IL36G: variants seen among roughly 807,000 people sequenced by gnomAD.
IL36G encodes the protein interleukin 36 gamma, also known as interleukin-36 gamma.
Under a neutral mutation model 13.5 loss-of-function variants are expected in IL36G, and 10 were observed. That is an observed-to-expected ratio of 0.74 (90% confidence interval 0.46 to 1.26). The LOEUF (loss-of-function observed/expected upper bound fraction) is 1.26, where lower values mean the gene tolerates loss of function less well. IL36G is among the 50% of genes most tolerant of loss of function. IL36G has a pLI of 0.00. For synonymous variants in IL36G, 84 were observed against 74.0 expected (o/e 1.13, Z -0.69); for missense variants, 199 against 203.0 (o/e 0.98, Z 0.12).
intron 4 of IL36G, among the ~76,000 whole-genome samples, chr2:112,980,848 C>A (rs1034808882): frequency 6.6e-6 from 1 of 152,180 alleles, no homozygotes; most frequent in African/African-American, 2.4e-5. Flanking sequence ...ATTTATTTTC[C>A]ATACCACAAG....
At chr2:112,980,789 G>C (rs1053694055) in intron 4 of IL36G, among the ~76,000 whole-genome samples, 2 of 152,216 alleles carry the variant, frequency 1.3e-5, no homozygotes, top group Non-Finnish European at 2.9e-5. Flanking sequence ...GCTTAAAGGA[G>C]TTAAATCTAT....
At position 112,985,514 on chromosome 2, in the gene IL36G, C is replaced by A. The variant is rs116028383; in HGVS notation, c.*465C>A. ...ATATACCTCATTGTGTGTAATAGAA[C>A]CTTCTTAGCATTAAGACCTTGTAAA... On this transcript the variant is annotated 3_prime_UTR_variant, in exon 5 of 5. Coordinates refer to ENST00000259205, the MANE Select transcript of IL36G (RefSeq NM_019618.4). The A allele has an allele frequency of 0.024, 3,788 of 156,378 alleles. 172 individuals carry two copies. Among genetic ancestry groups the A allele is most frequent in the African/African-American group, 0.086 (3,584 of 41,546 alleles). 9.7% of individuals were successfully genotyped at this position (156,378 alleles called of 1,614,324 possible).
chr2:112,979,765 C>G (rs1419446092), intron 3 of IL36G, among the ~76,000 whole-genome samples: 1 of 152,140 alleles, frequency 6.6e-6, no homozygotes, highest in African/African-American at 2.4e-5. Flanking sequence ...GTGAGAATCT[C>G]AAGAGCATAC....
chr2:112,985,197 A>C lies in IL36G; in HGVS notation c.*148A>C. ...ATCATCTCATTTTATAATGAAGAAGAAGCAATTACTTCATAGCAACTGAAG... is the reference window on the plus strand; with the variant it reads ...ATCATCTCATTTTATAATGAAGAAGCAGCAATTACTTCATAGCAACTGAAG... On this transcript the variant is annotated 3_prime_UTR_variant, in exon 5 of 5. Transcript: ENST00000259205. 1.6e-6 allele frequency: 1 copy of C among 625,226 alleles called. No homozygotes were observed. The highest frequency in any genetic ancestry group is 2.8e-6 in the Non-Finnish European group (1 of 359,042). The allele number at this position is 625,226 out of a possible 1,614,324, so 38.7% of individuals were successfully genotyped here.
At position 112,980,180 on chromosome 2, in the gene IL36G, T is replaced by A. The variant is rs531975455; in HGVS notation, c.300+32T>A. ...AGCTAAGAAAAATATTTAAAAAGCCTTTCCTTTTAGAAGTGTTTGGTTGAA... is the reference window on the plus strand; with the variant it reads ...AGCTAAGAAAAATATTTAAAAAGCCATTCCTTTTAGAAGTGTTTGGTTGAA... On this transcript the variant is annotated intron_variant, in intron 4 of 4. Coordinates refer to ENST00000259205, the MANE Select transcript of IL36G (RefSeq NM_019618.4). 366 of 1,597,124 alleles carry A rather than the reference T, an allele frequency of 2.3e-4. 6 individuals are homozygous for A. The South Asian group carries it at 3.8e-3, about 17-fold the overall frequency.
At chr2:112,979,925 A>G in intron 3 of IL36G, 84 bp from the exon 4 acceptor site, 1 of 1,374,990 alleles carries the variant, frequency 7.3e-7, no homozygotes, top group Non-Finnish European at 1.0e-6. Flanking sequence ...TTCCAGATCC[A>G]CTTGAGGATA....
rs1573340439 is a variant in IL36G at position 112,979,323 on chromosome 2, C to T, written c.158C>T (p.Pro53Leu). Residue 53 changes from proline to leucine, a missense_variant and splice_region_variant, in exon 3 of 5, where the codon CCA becomes CTA. Pro to Leu is a moderately conservative substitution (Grantham distance 98). Coordinates refer to ENST00000259205, the MANE Select transcript of IL36G (RefSeq NM_019618.4). Reference sequence around the variant, plus strand: ...GTTCCACGAAGTGACAGTGTGACCCCAGGTGAGTGGTCACCCTGTGCCTTC... The same window carrying T: ...GTTCCACGAAGTGACAGTGTGACCCTAGGTGAGTGGTCACCCTGTGCCTTC... ...VAVPRSDSVT[P>L]VTVAVITCKY... 4.4e-6 allele frequency: 7 copies of T among 1,588,604 alleles called. No individual in the cohort carries two copies. In the East Asian group the frequency reaches 1.6e-4, roughly 35 times the overall value.
intron 4 of IL36G, among the ~76,000 whole-genome samples, chr2:112,983,240 T>C (rs937147726): frequency 3.3e-5 from 5 of 152,084 alleles, no homozygotes; most frequent in African/African-American, 1.2e-4. Context: ...GGAGGAGGTA[T>C]GGGAGTTTCA....
chr2:112,984,954 T>C lies in IL36G; in HGVS notation c.415T>C (p.Phe139Leu). 1.2e-6 allele frequency: 2 copies of C among 1,614,072 alleles called. No individual in the cohort carries two copies. The highest frequency in any genetic ancestry group is 1.7e-6 in the Non-Finnish European group (2 of 1,179,988). Reference protein sequence around the residue: ...TLESVAFPDWFIASSKRDQPI... With the variant: ...TLESVAFPDWLIASSKRDQPI... The stretch of plus-strand genomic sequence containing the variant: ...TGAGTCTGTGGCCTTCCCGGACTGG[T>C]TCATTGCCTCCTCCAAGAGAGACCA... The change falls in exon 5 of 5, where the codon TTC becomes CTC. Residue 139 changes from phenylalanine (F) to leucine (L), a missense_variant. Physicochemically the swap from Phe to Leu is conservative, Grantham distance 22 (BLOSUM62 0). Coordinates refer to ENST00000259205, the MANE Select transcript of IL36G (RefSeq NM_019618.4).
intron 4 of IL36G, chr2:112,981,489 C>T (rs1042035016): frequency 2.9e-5 from 17 of 579,802 alleles, no homozygotes; most frequent in Admixed American, 1.2e-4. Context: ...CAGCATTGTG[C>T]GGGTTTTGGT....
At chr2:112,984,279 G>A (rs1188952772) in intron 4 of IL36G, among the ~76,000 whole-genome samples, 2 of 152,204 alleles carry the variant, frequency 1.3e-5, no homozygotes, top group Non-Finnish European at 2.9e-5. Context: ...ACAGAATATA[G>A]TTCCATATAC....
At chr2:112,979,974 G>A in intron 3 of IL36G, 35 bp from the exon 4 acceptor site, 1 of 1,601,446 alleles carries the variant, frequency 6.2e-7, no homozygotes. Flanking sequence ...GACTTCAAAA[G>A]GAAACTGATA....
Position 112,978,637 on chromosome 2 carries a change from C to A in IL36G, c.-2C>A. ...TTTCACAGGTGCTGAGACAACCACACTATGAGAGGCACTCCAGGAGACGCT... is the reference window on the plus strand; with the variant it reads ...TTTCACAGGTGCTGAGACAACCACAATATGAGAGGCACTCCAGGAGACGCT... On this transcript the variant is annotated 5_prime_UTR_variant, in exon 2 of 5. Coordinates refer to ENST00000259205, the MANE Select transcript of IL36G (RefSeq NM_019618.4). 1 of 1,614,098 alleles carries A rather than the reference C, an allele frequency of 6.2e-7. No individual in the cohort carries two copies. Among genetic ancestry groups the A allele is most frequent in the Non-Finnish European group, 8.5e-7 (1 of 1,179,928 alleles).
At position 112,985,176 on chromosome 2, in the gene IL36G, T is replaced by C. The variant is rs1226984106; in HGVS notation, c.*127T>C. 7.7e-6 allele frequency: 5 copies of C among 646,304 alleles called. No homozygotes were observed. Among genetic ancestry groups the C allele is most frequent in the Non-Finnish European group, 1.1e-5 (4 of 376,182 alleles). 40.0% of individuals were successfully genotyped at this position (646,304 alleles called of 1,614,324 possible). A position where few individuals can be genotyped will look rare whatever the true frequency, so the allele number is the denominator to read the frequency against. ...GACAGGGGCAAGGCTGCTGTTATCA[T>C]CTCATTTTATAATGAAGAAGAAGCA... On this transcript the variant is annotated 3_prime_UTR_variant, in exon 5 of 5. Coordinates refer to ENST00000259205, the MANE Select transcript of IL36G (RefSeq NM_019618.4).
At chr2:112,983,153 T>C (rs1684296423) in intron 4 of IL36G, among the ~76,000 whole-genome samples, 1 of 151,986 alleles carries the variant, frequency 6.6e-6, no homozygotes, top group Non-Finnish European at 1.5e-5. Flanking sequence ...TGGGAGCCCA[T>C]GTTATGGTGT....
chr2:112,984,453 C>T (rs1465523757), intron 4 of IL36G, among the ~76,000 whole-genome samples: 1 of 152,110 alleles, frequency 6.6e-6, no homozygotes. Flanking sequence ...CTTTGTCACG[C>T]CGGTGGTTCT....
intron 3 of IL36G, among the ~76,000 whole-genome samples, chr2:112,979,607 T>A (rs566186480): frequency 1.3e-5 from 2 of 152,246 alleles, no homozygotes; most frequent in South Asian, 4.1e-4. Flanking sequence ...CTTCAGGGTG[T>A]CCTAAAATGA....
At chr2:112,983,929 C>T (rs777023788) in intron 4 of IL36G, among the ~76,000 whole-genome samples, 13 of 151,988 alleles carry the variant, frequency 8.6e-5, no homozygotes, top group Non-Finnish European at 5.9e-5. Flanking sequence ...GGGGTTGATG[C>T]CATGTGTGGA....
intron 4 of IL36G, among the ~76,000 whole-genome samples, chr2:112,984,174 T>C (rs1441289838): frequency 6.6e-6 from 1 of 152,248 alleles, no homozygotes; most frequent in Non-Finnish European, 1.5e-5. Context: ...AGATCATTTC[T>C]GTGTCTCTCT....
Sources: allele counts gnomAD v4.1 joint callset (sites outside exome capture counted in the v4.1 genomes callset), GRCh38; gene constraint gnomAD v4.1.1; transcripts MANE v1.5; gene names NCBI Gene and HGNC (gene_info 2026-07-23, HGNC 2026-07-21).